CNGB1: variants seen among roughly 807,000 people sequenced by gnomAD.
CNGB1 encodes the protein cyclic nucleotide-gated channel beta-1.
Under a neutral mutation model 151.7 loss-of-function variants are expected in CNGB1, and 126 were observed. That is an observed-to-expected ratio of 0.83 (90% CI 0.72 to 0.96). CNGB1 has a LOEUF of 0.96. CNGB1 is among the 40% of genes least tolerant of loss of function. The probability of loss-of-function intolerance (pLI) is 0.00; values close to 1 mark genes in which losing one functional copy is unlikely to be tolerated. For synonymous variants in CNGB1, 623 were observed against 635.1 expected, an observed-to-expected ratio of 0.98 and a Z score of 0.29; for missense variants, 1,698 against 1,627.0, an observed-to-expected ratio of 1.04 and a Z score of -0.75.
chr16:57,949,177 G>C (rs1048343163), intron 14 of CNGB1, among the ~76,000 whole-genome samples, 176 bp downstream of exon 14: 1 of 152,050 alleles, frequency 6.6e-6, no homozygotes, highest in Non-Finnish European at 1.5e-5. Flanking sequence ...CCCAGGTCAT[G>C]ATGAGCACAG....
intron 31 of CNGB1, among the ~76,000 whole-genome samples, chr16:57,888,665 T>C (rs1172750140): frequency 6.6e-6 from 1 of 152,186 alleles, no homozygotes; most frequent in Non-Finnish European, 1.5e-5. Flanking sequence ...TTGCCCAGGC[T>C]GGTCTCAAAC....
intron 32 of CNGB1, among the ~76,000 whole-genome samples, chr16:57,885,598 CTTTCTT>C (rs1959907668): frequency 7.2e-6 from 1 of 138,146 alleles, no homozygotes; most frequent in African/African-American, 2.7e-5. Flanking sequence ...TTCTTTCTTT[CTTTCTT>C]TCTTTCTTAG....
intron 16 of CNGB1, among the ~76,000 whole-genome samples, chr16:57,933,077 C>T (rs1313526603): frequency 6.6e-6 from 1 of 152,070 alleles, no homozygotes; most frequent in Non-Finnish European, 1.5e-5. Context: ...CACAGACGCA[C>T]ACCACCATGC....
At chr16:57,944,420 C>G (rs1292914298) in intron 14 of CNGB1, among the ~76,000 whole-genome samples, 1 of 151,970 alleles carries the variant, frequency 6.6e-6, no homozygotes, top group African/African-American at 2.4e-5. Flanking sequence ...TTAAAGGGTA[C>G]AAAGATTCAG....
chr16:57,904,702 T>TGG (rs779344510), intron 26 of CNGB1, 32 bp downstream of exon 26: 3 of 1,613,380 alleles, frequency 1.9e-6, no homozygotes, highest in Non-Finnish European at 2.5e-6. Context: ...TGCAGTCAGG[T>TGG]GGGGTGGGAA....
In CNGB1 at chr16:57,888,362, C is replaced by T. The variant is rs150196594; in HGVS notation, c.3243-288G>A. 1.4e-3 allele frequency among the ~76,000 whole-genome samples: 215 copies of T among 152,234 alleles called. 1 individual carries two copies. Among genetic ancestry groups the T allele is most frequent in the African/African-American group, 4.9e-3 (203 of 41,548 alleles). ...TAACTTGTCTGAGGTCACACAGCTA[C>T]GAAATTCTTCTCTTTCCTTCCTTTC... On this transcript the variant is annotated intron_variant, in intron 31 of 32. Transcript: ENST00000251102.
rs1960502139 is a variant in CNGB1 at position 57,904,882 on chromosome 16, A to G, written c.2493-7T>C. 1 of 1,614,138 alleles carries G rather than the reference A, an allele frequency of 6.2e-7. No homozygotes were observed. Among genetic ancestry groups the G allele is most frequent in the Non-Finnish European group, 8.5e-7 (1 of 1,180,034 alleles). On this transcript the variant is annotated splice_region_variant and splice_polypyrimidine_tract_variant and intron_variant, in intron 25 of 32. Transcript: ENST00000251102. Reference sequence around the variant, plus strand: ...GTAGTAACAGCGAATATAACTGGAGAGAGAGGAGAAAGGGAACATGGGTCA... The same window carrying G: ...GTAGTAACAGCGAATATAACTGGAGGGAGAGGAGAAAGGGAACATGGGTCA...
chr16:57,964,308 C>A, intron 3 of CNGB1, 106 bp from the exon 4 acceptor site: 5 of 1,400,278 alleles, frequency 3.6e-6, no homozygotes, highest in Non-Finnish European at 5.0e-6. Flanking sequence ...CCCCAGGGGT[C>A]AGAAAGCCAG....
intron 16 of CNGB1, among the ~76,000 whole-genome samples, chr16:57,937,916 C>T (rs1056787356): frequency 2.6e-5 from 4 of 152,206 alleles, no homozygotes; most frequent in Non-Finnish European, 5.9e-5. Context: ...TAAATCTCCC[C>T]AGGTGATTCC....
intron 25 of CNGB1, among the ~76,000 whole-genome samples, chr16:57,907,855 C>T (rs189017694): frequency 6.6e-6 from 1 of 152,254 alleles, no homozygotes; most frequent in East Asian, 1.9e-4. Context: ...CACAGTGGCT[C>T]TCAGGGACTC....
chr16:57,904,785 C>T lies in CNGB1; in HGVS notation c.2583G>A (p.Gln861=). The T allele has an allele frequency of 6.2e-7, 1 of 1,614,178 alleles. No individual in the cohort carries two copies. Among genetic ancestry groups the T allele is most frequent in the Non-Finnish European group, 8.5e-7 (1 of 1,180,044 alleles). The change falls in exon 26 of 33, where the codon CAG becomes CAA. Residue 861 remains glutamine (Q), a synonymous_variant. Transcript: ENST00000251102. ...DPKTLFEIVF[Q]LLNYFTGVFA... is the part of the protein sequence containing the mutation. Reference sequence around the variant, plus strand: ...AGACGCCCGTGAAATAATTCAGCAGCTGGAAGACAATTTCAAAGAGTGTCT... The same window carrying T: ...AGACGCCCGTGAAATAATTCAGCAGTTGGAAGACAATTTCAAAGAGTGTCT...
intron 23 of CNGB1, among the ~76,000 whole-genome samples, chr16:57,914,338 C>T (rs1960806443): frequency 6.6e-6 from 1 of 152,164 alleles, no homozygotes; most frequent in Non-Finnish European, 1.5e-5. Context: ...AGAATGGTGC[C>T]AATTCCACTT....
Position 57,901,811 on chromosome 16 carries a change from G to A in CNGB1, c.2795-186C>T, listed in dbSNP as rs547992566. On this transcript the variant is annotated intron_variant, in intron 27 of 32. Coordinates refer to ENST00000251102, the MANE Select transcript of CNGB1 (RefSeq NM_001297.5). ...TTGCCAATACCGTTTCCTCTGCCAG[G>A]AGCACCCCTGTGCATTTCCCAAACT... 4.6e-5 allele frequency among the ~76,000 whole-genome samples: 7 copies of A among 152,256 alleles called. No individual in the cohort carries two copies. In the South Asian group the frequency reaches 1.2e-3, roughly 27 times the overall value.
At chr16:57,920,659 A>T (rs1961007626) in intron 18 of CNGB1, 115 bp from the exon 19 acceptor site, 1 of 1,274,462 alleles carries the variant, frequency 7.8e-7, no homozygotes, top group Non-Finnish European at 1.1e-6. Context: ...GAAGGAGGTA[A>T]GTCCTGCCCC....
chr16:57,893,985 A>G (rs1301057931), intron 31 of CNGB1, among the ~76,000 whole-genome samples: 1 of 152,144 alleles, frequency 6.6e-6, no homozygotes, highest in African/African-American at 2.4e-5. Context: ...CTGACACACT[A>G]CGTTGCCTGT....
intron 27 of CNGB1, among the ~76,000 whole-genome samples, chr16:57,902,272 T>C (rs1425510185): frequency 6.6e-6 from 1 of 152,024 alleles, no homozygotes; most frequent in African/African-American, 2.4e-5. Flanking sequence ...GGTTTCACCA[T>C]GTTGGCCAGG....
chr16:57,935,537 C>T (rs1407074329), intron 16 of CNGB1, among the ~76,000 whole-genome samples: 3 of 151,756 alleles, frequency 2.0e-5, no homozygotes, highest in Non-Finnish European at 2.9e-5. Context: ...AAAATTAGCC[C>T]GGAAAGGTGG....
intron 27 of CNGB1, 106 bp from the exon 28 acceptor site, chr16:57,901,731 C>T: frequency 1.1e-6 from 1 of 871,004 alleles, no homozygotes; most frequent in Non-Finnish European, 1.9e-6. Context: ...CACCATTGCC[C>T]TGCCGCATGG....
intron 14 of CNGB1, among the ~76,000 whole-genome samples, chr16:57,941,266 C>T (rs1183033237): frequency 6.6e-6 from 1 of 152,164 alleles, no homozygotes; most frequent in Non-Finnish European, 1.5e-5. Flanking sequence ...CTTCCTAACA[C>T]CCCCTCCCCA....
Sources: allele counts gnomAD v4.1 joint callset (sites outside exome capture counted in the v4.1 genomes callset), GRCh38; gene constraint gnomAD v4.1.1; transcripts MANE v1.5; gene names NCBI Gene and HGNC (gene_info 2026-07-23, HGNC 2026-07-21).